Variants in GAPVD1 observed in about 807,000 individuals in gnomAD.
GAPVD1 encodes the protein GTPase activating protein and VPS9 domains 1.
A neutral mutation model predicts 155.5 loss-of-function variants in GAPVD1; 35 were observed. The observed-to-expected ratio is 0.23, with a 90% CI of 0.17 to 0.30. The LOEUF (loss-of-function observed/expected upper bound fraction) is 0.30. Among genes scored for constraint, GAPVD1 ranks in the 10% least tolerant of loss-of-function variants. The pLI is 1.00. For missense variants in GAPVD1, 1,429 were observed against 1,775.7 expected (o/e 0.80, Z 3.51); for synonymous variants, 636 against 619.7 (o/e 1.03, Z -0.39).
intron 22 of GAPVD1, 142 bp from the exon 23 acceptor site, chr9:125,350,571 G>A: frequency 2.9e-6 from 2 of 681,356 alleles, no homozygotes; most frequent in Non-Finnish European, 5.0e-6. Flanking sequence ...ATTTATTAAA[G>A]TATTTTCTAA....
At chr9:125,342,064 A>C (rs987411777) in intron 18 of GAPVD1, 155 bp from the exon 19 acceptor site, 1 of 559,576 alleles carries the variant, frequency 1.8e-6, no homozygotes. Flanking sequence ...AAAAACCTTC[A>C]TTACTATTTT....
chr9:125,330,401 C>G (rs1184999236), intron 13 of GAPVD1, among the ~76,000 whole-genome samples, 183 bp downstream of exon 13: 1 of 151,640 alleles, frequency 6.6e-6, no homozygotes, highest in African/African-American at 2.4e-5. Context: ...TTACTGCAAC[C>G]TCTGCCTCCT....
chr9:125,263,246 C>G (rs4548281), intron 1 of GAPVD1, among the ~76,000 whole-genome samples: 1 of 152,140 alleles, frequency 6.6e-6, no homozygotes, highest in Admixed American at 6.6e-5. Flanking sequence ...GTCAAGAGAT[C>G]GAGACCATCC....
chr9:125,294,686 GC>G (rs1173141615), intron 2 of GAPVD1, among the ~76,000 whole-genome samples: 1 of 145,730 alleles, frequency 6.9e-6, no homozygotes, highest in Admixed American at 6.9e-5. Context: ...TTCCTATGGT[GC>G]TGAGAGAAAT....
At chr9:125,328,948 A>C (rs1845651835) in intron 12 of GAPVD1, among the ~76,000 whole-genome samples, 1 of 152,186 alleles carries the variant, frequency 6.6e-6, no homozygotes, top group Non-Finnish European at 1.5e-5. Flanking sequence ...CCCGGCCAAC[A>C]CAGTGAAACC....
Position 125,337,252 on chromosome 9 carries a change from C to T in GAPVD1, c.2538C>T (p.His846=). Residue 846 remains histidine (H), a synonymous_variant, in exon 17 of 28, where the codon CAC becomes CAT. Transcript: ENST00000297933. ...GASAVVRPKV[H]YARPSHPPPD... is the part of the protein sequence containing the mutation. ...CTGCTGTGGTAAGGCCAAAGGTTCA[C>T]TATGCTAGGCCATCGCATCCACCAC... The T allele has an allele frequency of 6.2e-7, 1 of 1,614,146 alleles. No homozygotes were observed. The highest frequency in any genetic ancestry group is 2.2e-5 in the East Asian group (1 of 44,890).
chr9:125,305,010 TTG>T (rs1336591253), intron 5 of GAPVD1, 51 bp from the exon 6 acceptor site: 1 of 1,142,154 alleles, frequency 8.8e-7, no homozygotes, highest in Non-Finnish European at 1.3e-6. Flanking sequence ...AGAGACGTAT[TTG>T]TGAGTATCTG....
At chr9:125,340,193 G>A (rs1254612331) in intron 17 of GAPVD1, among the ~76,000 whole-genome samples, 2 of 152,088 alleles carry the variant, frequency 1.3e-5, no homozygotes, top group Non-Finnish European at 2.9e-5. Flanking sequence ...GCCAATTTTT[G>A]TATTTTTAGT....
At chr9:125,277,760 C>T (rs958005579) in intron 2 of GAPVD1, among the ~76,000 whole-genome samples, 26 of 150,934 alleles carry the variant, frequency 1.7e-4, no homozygotes, top group African/African-American at 1.2e-4. Flanking sequence ...GCCTTGACCT[C>T]CCAGGCTCAA....
At chr9:125,309,399 A>G (rs1436063924) in intron 8 of GAPVD1, 2 of 152,094 alleles carry the variant, frequency 1.3e-5, no homozygotes, top group African/African-American at 2.4e-5. Flanking sequence ...CAGTGGCACA[A>G]TCTTGGCTCA....
At chr9:125,268,370 C>A (rs1311219584) in intron 1 of GAPVD1, among the ~76,000 whole-genome samples, 1 of 151,890 alleles carries the variant, frequency 6.6e-6, no homozygotes, top group African/African-American at 2.4e-5. Context: ...CTGATCATGG[C>A]GTTCTGGAAA....
intron 15 of GAPVD1, among the ~76,000 whole-genome samples, chr9:125,333,974 G>A (rs1381646587): frequency 4.6e-5 from 7 of 151,984 alleles, no homozygotes; most frequent in Admixed American, 4.6e-4. Context: ...TTGTGACAAC[G>A]AAAAATGTCT....
chr9:125,345,875 G>A, intron 19 of GAPVD1: 1 of 152,060 alleles, frequency 6.6e-6, no homozygotes. Flanking sequence ...AAGTGTGTGT[G>A]TGTGTGTGTA....
At chr9:125,323,199 C>T (rs1392046672) in intron 10 of GAPVD1, among the ~76,000 whole-genome samples, 1 of 151,782 alleles carries the variant, frequency 6.6e-6, no homozygotes, top group Non-Finnish European at 1.5e-5. Context: ...CTTTGCCTCC[C>T]GGGTTCAAGC....
rs181980421 is a variant in GAPVD1, at chr9:125,283,310, C to T, written c.-149-12148C>T. On this transcript the variant is annotated intron_variant, in intron 2 of 27. Coordinates refer to ENST00000297933, the MANE Select transcript of GAPVD1 (RefSeq NM_001282680.3). ...CTGACCTCAGATGATCCATCCACCT[C>T]GGCCTCCCAAAGTGCTGGGATTACA... Among the ~76,000 whole-genome samples the T allele has an allele frequency of 3.9e-3, 594 of 152,000 alleles. 4 individuals carry two copies. Among genetic ancestry groups the T allele is most frequent in the African/African-American group, 0.014 (560 of 41,450 alleles).
rs1042857405 is a variant in GAPVD1, at chr9:125,367,119, AG to A, written c.*4375del. The A allele has an allele frequency of 2.0e-5, 3 of 152,364 alleles. No individual in the cohort carries two copies. The highest frequency in any genetic ancestry group is 1.3e-4 in the Admixed American group (2 of 15,300). The allele number at this position is 152,364 out of a possible 1,614,324, so 9.4% of individuals were successfully genotyped here. On this transcript the variant is annotated 3_prime_UTR_variant, in exon 28 of 28. Transcript: ENST00000297933. The stretch of plus-strand genomic sequence containing the variant: ...AGCTTGCACAATCTTGTATATGTAC[AG>A]GAAACCCCTCCTGTCTCCTAATGTG...
At chr9:125,301,648 C>T (rs986743405) in intron 4 of GAPVD1, among the ~76,000 whole-genome samples, 9 of 151,900 alleles carry the variant, frequency 5.9e-5, no homozygotes, top group Admixed American at 1.3e-4. Context: ...GGGAGTTTCG[C>T]CGTGTTGGCC....
chr9:125,347,420 A>G (rs1848645588), intron 20 of GAPVD1, among the ~76,000 whole-genome samples: 1 of 152,180 alleles, frequency 6.6e-6, no homozygotes, highest in African/African-American at 2.4e-5. Context: ...ATGAAGAGAA[A>G]AAGTGTATAA....
At chr9:125,328,190 T>G (rs78531699) in intron 12 of GAPVD1, among the ~76,000 whole-genome samples, 1 of 137,154 alleles carries the variant, frequency 7.3e-6, no homozygotes, top group Non-Finnish European at 1.5e-5. Flanking sequence ...ATAGATTTCT[T>G]TTTTTTTTTT....
Sources: allele counts gnomAD v4.1 joint callset (sites outside exome capture counted in the v4.1 genomes callset), GRCh38; gene constraint gnomAD v4.1.1; transcripts MANE v1.5; gene names NCBI Gene and HGNC (gene_info 2026-07-23, HGNC 2026-07-21).